NLGN1: variants seen among roughly 807,000 people sequenced by gnomAD.
NLGN1 encodes neuroligin 1.
Under a neutral mutation model 65.5 loss-of-function variants are expected in NLGN1, and 12 were observed. The observed-to-expected ratio is 0.18, with a 90% CI of 0.12 to 0.30. The LOEUF (loss-of-function observed/expected upper bound fraction) is 0.30. Among genes scored for constraint, NLGN1 ranks in the 10% least tolerant of loss-of-function variants. The pLI is 1.00. For missense variants in NLGN1, 750 were observed against 1,007.1 expected (o/e 0.74, Z 3.46); for synonymous variants, 350 against 359.5 (o/e 0.97, Z 0.30).
intron 2 of NLGN1, among the ~76,000 whole-genome samples, chr3:173,570,162 A>G (rs181760931): frequency 1.3e-5 from 2 of 152,314 alleles, no homozygotes; most frequent in Admixed American, 6.5e-5. Flanking sequence ...CTGAAGGGTT[A>G]ATAGAGGCAG....
intron 3 of NLGN1, among the ~76,000 whole-genome samples, chr3:173,632,921 C>T (rs1230144294): frequency 2.1e-5 from 3 of 145,044 alleles, no homozygotes; most frequent in Non-Finnish European, 4.5e-5. Flanking sequence ...TACTTGCTGC[C>T]TGAGAGCAGT....
At chr3:173,745,966 C>T (rs143761410) in intron 3 of NLGN1, among the ~76,000 whole-genome samples, 1 of 152,068 alleles carries the variant, frequency 6.6e-6, no homozygotes, top group African/African-American at 2.4e-5. Flanking sequence ...AATCAGGACA[C>T]TGGACTTACT....
intron 2 of NLGN1, among the ~76,000 whole-genome samples, chr3:173,539,689 T>G (rs1018135730): frequency 2.1e-5 from 3 of 139,652 alleles, no homozygotes; most frequent in African/African-American, 5.2e-5. Flanking sequence ...CATACATATA[T>G]GTACATATGC....
At chr3:174,165,328 CT>C (rs1329693185) in intron 4 of NLGN1, among the ~76,000 whole-genome samples, 1 of 151,994 alleles carries the variant, frequency 6.6e-6, no homozygotes, top group African/African-American at 2.4e-5. Context: ...ATGATATTGG[CT>C]CTGGATTTGG....
At chr3:173,547,941 A>AT (rs200512077) in intron 2 of NLGN1, among the ~76,000 whole-genome samples, 6 of 150,744 alleles carry the variant, frequency 4.0e-5, no homozygotes, top group Admixed American at 6.6e-5. Context: ...ACATGTTTTA[A>AT]TTTTTTTTTT....
intron 2 of NLGN1, among the ~76,000 whole-genome samples, chr3:173,576,341 A>G (rs1275037605): frequency 6.6e-6 from 1 of 152,300 alleles, no homozygotes; most frequent in East Asian, 1.9e-4. Context: ...TATTGTAGCT[A>G]TAACAAATTC....
intron 2 of NLGN1, among the ~76,000 whole-genome samples, chr3:173,547,119 C>G (rs1408996388): frequency 6.6e-6 from 1 of 152,122 alleles, no homozygotes; most frequent in East Asian, 1.9e-4. Flanking sequence ...GAAAGACTTG[C>G]ATTATTTAAA....
intron 2 of NLGN1, among the ~76,000 whole-genome samples, chr3:173,473,774 C>G (rs955563140): frequency 3.9e-5 from 6 of 152,176 alleles, no homozygotes; most frequent in Non-Finnish European, 7.3e-5. Flanking sequence ...TAAATAATCT[C>G]AAGTCAACTT....
intron 4 of NLGN1, among the ~76,000 whole-genome samples, chr3:174,041,436 G>T (rs901365180): frequency 6.6e-6 from 1 of 152,038 alleles, no homozygotes; most frequent in African/African-American, 2.4e-5. Flanking sequence ...AAATAAAACT[G>T]CTATGAGTGT....
intron 2 of NLGN1, among the ~76,000 whole-genome samples, chr3:173,593,098 A>G (rs1457468661): frequency 6.6e-6 from 1 of 152,092 alleles, no homozygotes; most frequent in Non-Finnish European, 1.5e-5. Flanking sequence ...TTCCCACTCC[A>G]TATTCTTAAA....
intron 2 of NLGN1, among the ~76,000 whole-genome samples, chr3:173,441,510 C>T (rs929226689): frequency 2.0e-5 from 3 of 152,164 alleles, no homozygotes; most frequent in East Asian, 3.9e-4. Context: ...GGCCTAGTTT[C>T]AGTATTGTTG....
intron 3 of NLGN1, among the ~76,000 whole-genome samples, chr3:173,755,010 G>C (rs1776881416): frequency 2.6e-5 from 4 of 152,082 alleles, no homozygotes. Context: ...AAAACTATCA[G>C]ATCAAGGTAG....
chr3:174,017,205 G>C (rs1029470203), intron 4 of NLGN1, among the ~76,000 whole-genome samples: 1 of 152,116 alleles, frequency 6.6e-6, no homozygotes, highest in Admixed American at 6.6e-5. Context: ...TCACACAGTT[G>C]ACATAATATT....
chr3:173,738,932 G>A (rs1560271023), intron 3 of NLGN1, among the ~76,000 whole-genome samples: 1 of 152,028 alleles, frequency 6.6e-6, no homozygotes, highest in Non-Finnish European at 1.5e-5. Context: ...CATAAAAGAT[G>A]TACAGTGAAA....
At chr3:173,735,902 GTGTTGTGAGTC>G (rs1043948682) in intron 3 of NLGN1, among the ~76,000 whole-genome samples, 5 of 151,936 alleles carry the variant, frequency 3.3e-5, no homozygotes, top group African/African-American at 1.2e-4. Flanking sequence ...ATGCTTTTTT[GTGTTGTGAGTC>G]ATTCAAACAT....
chr3:174,040,150 CT>C (rs1214621046), intron 4 of NLGN1, among the ~76,000 whole-genome samples: 8 of 151,598 alleles, frequency 5.3e-5, no homozygotes, highest in African/African-American at 9.7e-5. Flanking sequence ...CCTCTGTTGT[CT>C]TTTTTTTTCT....
chr3:173,397,536 C>A (rs1196098226), upstream of NLGN1, among the ~76,000 whole-genome samples: 1 of 151,408 alleles, frequency 6.6e-6, no homozygotes, highest in African/African-American at 2.4e-5. Flanking sequence ...CTCCCCCACT[C>A]CACTCCTGCC....
intron 4 of NLGN1, among the ~76,000 whole-genome samples, chr3:174,103,686 G>T (rs1713066479): frequency 6.6e-6 from 1 of 151,898 alleles, no homozygotes; most frequent in Admixed American, 6.6e-5. Flanking sequence ...ATAAACTGTT[G>T]TACAAAACAT....
intron 4 of NLGN1, among the ~76,000 whole-genome samples, chr3:174,158,025 A>C (rs1466671054): frequency 6.6e-6 from 1 of 151,744 alleles, no homozygotes; most frequent in African/African-American, 2.4e-5. Flanking sequence ...CCCTTCTATT[A>C]TGGAGCTTCT....
Sources: allele counts gnomAD v4.1 joint callset (sites outside exome capture counted in the v4.1 genomes callset), GRCh38; gene constraint gnomAD v4.1.1; transcripts MANE v1.5; gene names NCBI Gene and HGNC (gene_info 2026-07-23, HGNC 2026-07-21).